GPC5: variants seen among roughly 807,000 people sequenced by gnomAD.
GPC5 encodes glypican 5, also known as glypican-5.
In GPC5, 47 loss-of-function variants were observed where a neutral mutation model predicts 53.9. The ratio of observed to expected loss-of-function variants is 0.87; its 90% CI spans 0.69 to 1.11. GPC5 has a LOEUF of 1.11. Ranked by LOEUF, GPC5 falls within the 50% of genes most tolerant of loss-of-function variation. The pLI, the probability that GPC5 is intolerant of heterozygous loss-of-function variation, is 0.00. For synonymous variants in GPC5, 286 were observed against 263.3 expected (o/e 1.09, Z -0.84); for missense variants, 748 against 713.1 (o/e 1.05, Z -0.56).
intron 6 of GPC5, among the ~76,000 whole-genome samples, chr13:92,127,573 G>GAATTAGCA (rs2041709499): frequency 6.6e-6 from 1 of 152,082 alleles, no homozygotes; most frequent in Middle Eastern, 3.2e-3. Context: ...AATATTCCTT[G>GAATTAGCA]AATTAGCAGA....
intron 7 of GPC5, among the ~76,000 whole-genome samples, chr13:92,661,865 A>G (rs1483409467): frequency 6.6e-6 from 1 of 152,088 alleles, no homozygotes; most frequent in African/African-American, 2.4e-5. Flanking sequence ...ACCTCTTCCT[A>G]TCTCTTCTTT....
intron 6 of GPC5, among the ~76,000 whole-genome samples, chr13:92,138,534 TAA>T (rs772365167): frequency 6.7e-6 from 1 of 148,642 alleles, no homozygotes; most frequent in Non-Finnish European, 1.5e-5. Flanking sequence ...AAATAAAAAA[TAA>T]AAAATAAAAA....
At chr13:91,528,199 T>A (rs1359129816) in intron 2 of GPC5, among the ~76,000 whole-genome samples, 1 of 152,228 alleles carries the variant, frequency 6.6e-6, no homozygotes, top group Non-Finnish European at 1.5e-5. Context: ...GCTTCCCTTT[T>A]AAACATAAGT....
intron 2 of GPC5, among the ~76,000 whole-genome samples, chr13:91,692,825 A>T (rs1594438082): frequency 6.6e-6 from 1 of 152,004 alleles, no homozygotes; most frequent in African/African-American, 2.4e-5. Flanking sequence ...TGTATTTTTA[A>T]TAGAGAGGGG....
At chr13:92,294,813 C>CTTTTTTTTTTTTCTTTTTTTTTT (rs2043022352) in intron 7 of GPC5, among the ~76,000 whole-genome samples, 1 of 103,990 alleles carries the variant, frequency 9.6e-6, no homozygotes, top group Non-Finnish European at 2.0e-5. Flanking sequence ...CTGTTTCTTT[C>CTTTTTTTTTTTTCTTTTTTTTTT]TTTTTTTTTT....
intron 7 of GPC5, among the ~76,000 whole-genome samples, chr13:92,264,946 G>A (rs1273047453): frequency 6.8e-6 from 1 of 146,248 alleles, no homozygotes; most frequent in African/African-American, 2.5e-5. Context: ...TTGCATTCCA[G>A]GTTCAAGGCT....
intron 7 of GPC5, among the ~76,000 whole-genome samples, chr13:92,696,347 C>T (rs1396024107): frequency 1.3e-5 from 2 of 152,224 alleles, no homozygotes; most frequent in African/African-American, 4.8e-5. Flanking sequence ...TCCACATCCT[C>T]TCCAGCATCT....
chr13:91,650,298 T>C (rs1317879203), intron 2 of GPC5, among the ~76,000 whole-genome samples: 2 of 152,178 alleles, frequency 1.3e-5, no homozygotes, highest in African/African-American at 2.4e-5. Flanking sequence ...TGTCCATGTC[T>C]CCAACTACCA....
chr13:91,443,200 A>G (rs1194815494), intron 1 of GPC5, among the ~76,000 whole-genome samples: 2 of 152,132 alleles, frequency 1.3e-5, no homozygotes, highest in African/African-American at 4.8e-5. Context: ...AAAGCTCCCA[A>G]TGTGATTGTA....
In GPC5 at chr13:91,756,227, C is replaced by T. The variant is rs554434496; in HGVS notation, c.1155-68C>T. 8.0e-5 allele frequency: 93 copies of T among 1,165,524 alleles called. No homozygotes were observed. In the African/African-American group the frequency reaches 1.1e-3, roughly 14 times the overall value. 72.2% of individuals were successfully genotyped at this position (1,165,524 alleles called of 1,614,324 possible). ...ATCCTAAACATTATGTATAACAATA[C>T]ATATCATTTTTGATGGCCTTTATTG... On this transcript the variant is annotated intron_variant, in intron 4 of 7. Coordinates refer to ENST00000377067, the MANE Select transcript of GPC5 (RefSeq NM_004466.6).
intron 6 of GPC5, among the ~76,000 whole-genome samples, chr13:92,101,797 C>T (rs2041469423): frequency 6.6e-6 from 1 of 152,192 alleles, no homozygotes; most frequent in Non-Finnish European, 1.5e-5. Context: ...AACATTTACA[C>T]ACCTTGGAGA....
At chr13:92,710,547 C>T (rs1232949188) in intron 7 of GPC5, among the ~76,000 whole-genome samples, 1 of 152,158 alleles carries the variant, frequency 6.6e-6, no homozygotes, top group Non-Finnish European at 1.5e-5. Context: ...TATTCATTTG[C>T]ATTTTAAATT....
chr13:91,756,550 G>A lies in GPC5; in HGVS notation c.1280+130G>A, dbSNP rs2037297403. 4.0e-6 allele frequency: 3 copies of A among 753,782 alleles called. No individual in the cohort carries two copies. In the East Asian group the frequency reaches 8.7e-5, roughly 22 times the overall value. 46.7% of individuals were successfully genotyped at this position (753,782 alleles called of 1,614,324 possible). A position where few individuals can be genotyped will look rare whatever the true frequency, so the allele number is the denominator to read the frequency against. On this transcript the variant is annotated intron_variant, in intron 5 of 7. Coordinates refer to ENST00000377067, the MANE Select transcript of GPC5 (RefSeq NM_004466.6). ...AGTCTACATTAAATACTTATCTTTAGTTTGTCAAAAAACAAGGAAAAGAAC... is the reference window on the plus strand; with the variant it reads ...AGTCTACATTAAATACTTATCTTTAATTTGTCAAAAAACAAGGAAAAGAAC...
chr13:91,872,977 TCCA>T (rs1294034236), intron 5 of GPC5, among the ~76,000 whole-genome samples: 1 of 152,208 alleles, frequency 6.6e-6, no homozygotes, highest in Non-Finnish European at 1.5e-5. Context: ...ATTTTATTAA[TCCA>T]CCATCTCTGT....
chr13:91,550,462 G>A (rs754092802), intron 2 of GPC5, among the ~76,000 whole-genome samples: 1 of 152,144 alleles, frequency 6.6e-6, no homozygotes, highest in Non-Finnish European at 1.5e-5. Context: ...TGTGGGGGCA[G>A]GGAGTGCATA....
chr13:91,730,933 A>G (rs887492225), intron 4 of GPC5, among the ~76,000 whole-genome samples: 2 of 152,306 alleles, frequency 1.3e-5, no homozygotes, highest in African/African-American at 4.8e-5. Context: ...AGCACTGGAA[A>G]TGTCAGTACT....
At chr13:91,469,270 A>C (rs1265482623) in intron 2 of GPC5, among the ~76,000 whole-genome samples, 1 of 151,978 alleles carries the variant, frequency 6.6e-6, no homozygotes, top group Non-Finnish European at 1.5e-5. Flanking sequence ...CACCATGTCC[A>C]GCTCATTTTT....
rs571023103 is a variant in GPC5 at position 92,549,962 on chromosome 13, A to T, written c.1562-316320A>T. ...CTTTGGAGGCTTGATATAGCTATTT[A>T]TCTGTAACATATAATATTACTGATA... On this transcript the variant is annotated intron_variant, in intron 7 of 7. Transcript: ENST00000377067. 2.0e-5 allele frequency among the ~76,000 whole-genome samples: 3 copies of T among 151,526 alleles called. No homozygotes were observed. In the South Asian group the frequency reaches 6.2e-4, roughly 32 times the overall value.
intron 7 of GPC5, among the ~76,000 whole-genome samples, chr13:92,344,812 CTT>C (rs2043397046): frequency 6.6e-6 from 1 of 152,238 alleles, no homozygotes; most frequent in Non-Finnish European, 1.5e-5. Context: ...CATAGTCAAA[CTT>C]TTGATTACAA....
Sources: gnomAD v4.1 joint callset for allele counts (sites outside exome capture counted in the v4.1 genomes callset) on GRCh38, gnomAD v4.1.1 for gene constraint, MANE v1.5 for transcripts, NCBI Gene and HGNC (gene_info 2026-07-23, HGNC 2026-07-21) for gene names.